HCN1: variants seen among roughly 807,000 people sequenced by gnomAD.
HCN1 encodes hyperpolarization activated cyclic nucleotide gated potassium channel 1.
In HCN1, 13 loss-of-function variants were observed where a neutral mutation model predicts 78.9. That is an observed-to-expected ratio of 0.16 (90% CI 0.11 to 0.26). The LOEUF (loss-of-function observed/expected upper bound fraction) is 0.26. Among genes scored for constraint, HCN1 ranks in the 10% least tolerant of loss-of-function variants. HCN1 has a pLI of 1.00. For synonymous variants in HCN1, 552 were observed against 455.5 expected, an observed-to-expected ratio of 1.21 and a Z score of -2.70; for missense variants, 810 against 1,154.3, an observed-to-expected ratio of 0.70 and a Z score of 4.32.
intron 6 of HCN1, among the ~76,000 whole-genome samples, chr5:45,300,923 C>T (rs998505166): frequency 6.6e-6 from 1 of 151,940 alleles, no homozygotes; most frequent in Non-Finnish European, 1.5e-5. Context: ...ATCATTTTAA[C>T]AAGAAAGAAT....
chr5:45,649,731 C>A (rs1261898812), intron 1 of HCN1, among the ~76,000 whole-genome samples: 1 of 151,800 alleles, frequency 6.6e-6, no homozygotes, highest in African/African-American at 2.4e-5. Context: ...ATATTTTCTG[C>A]TATAAGATAG....
chr5:45,640,887 C>T (rs1362275372), intron 2 of HCN1, among the ~76,000 whole-genome samples: 1 of 147,744 alleles, frequency 6.8e-6, no homozygotes, highest in Non-Finnish European at 1.5e-5. Flanking sequence ...CTTTCCAAAT[C>T]GGAGATGTAG....
chr5:45,316,024 C>T (rs912204227), intron 5 of HCN1, among the ~76,000 whole-genome samples: 5 of 152,118 alleles, frequency 3.3e-5, no homozygotes, highest in African/African-American at 4.8e-5. Context: ...GAAACTATTC[C>T]AATCAATAGA....
chr5:45,495,655 G>C (rs916601855), intron 2 of HCN1, among the ~76,000 whole-genome samples: 1 of 152,128 alleles, frequency 6.6e-6, no homozygotes, highest in Non-Finnish European at 1.5e-5. Flanking sequence ...GGAGTGGTGA[G>C]AGAGGTCATC....
intron 6 of HCN1, among the ~76,000 whole-genome samples, chr5:45,289,608 A>C (rs1029703664): frequency 1.6e-4 from 25 of 152,098 alleles, no homozygotes; most frequent in African/African-American, 5.3e-4. Flanking sequence ...AAACAGGGCA[A>C]GAGCATCTTA....
At chr5:45,418,899 G>T (rs1418121717) in intron 3 of HCN1, among the ~76,000 whole-genome samples, 1 of 152,080 alleles carries the variant, frequency 6.6e-6, no homozygotes. Flanking sequence ...ATCAGATCCA[G>T]AAGTATCACC....
intron 5 of HCN1, among the ~76,000 whole-genome samples, chr5:45,337,938 AGGAGAATG>A (rs2111961036): frequency 6.6e-6 from 1 of 152,294 alleles, no homozygotes; most frequent in East Asian, 1.9e-4. Context: ...AAGTGAAAAT[AGGAGAATG>A]CTTTCAATAA....
At chr5:45,286,932 A>G (rs1166197098) in intron 6 of HCN1, among the ~76,000 whole-genome samples, 2 of 150,318 alleles carry the variant, frequency 1.3e-5, no homozygotes, top group African/African-American at 5.0e-5. Context: ...AACTGTTCTG[A>G]CTGACAATTT....
chr5:45,476,565 T>A (rs1741519631), intron 2 of HCN1, among the ~76,000 whole-genome samples: 1 of 152,168 alleles, frequency 6.6e-6, no homozygotes, highest in Non-Finnish European at 1.5e-5. Context: ...GGCCTTTAAT[T>A]CCTCCTGAAA....
intron 5 of HCN1, among the ~76,000 whole-genome samples, chr5:45,347,319 A>G (rs573881192): frequency 6.6e-5 from 10 of 152,322 alleles, no homozygotes; most frequent in Non-Finnish European, 7.4e-5. Context: ...GTCTGTTAGA[A>G]GGAAAACTAA....
chr5:45,337,010 C>G (rs1421426281), intron 5 of HCN1, among the ~76,000 whole-genome samples: 1 of 151,838 alleles, frequency 6.6e-6, no homozygotes, highest in Non-Finnish European at 1.5e-5. Context: ...AAATACTCAC[C>G]TTAGTAGCAA....
intron 3 of HCN1, among the ~76,000 whole-genome samples, chr5:45,409,356 A>G (rs1739984605): frequency 1.3e-5 from 2 of 152,106 alleles, no homozygotes; most frequent in South Asian, 4.1e-4. Flanking sequence ...AAAATTTATT[A>G]AAATCTAATG....
chr5:45,349,035 T>C (rs1284575898), intron 5 of HCN1, among the ~76,000 whole-genome samples: 1 of 152,322 alleles, frequency 6.6e-6, no homozygotes, highest in African/African-American at 2.4e-5. Flanking sequence ...AATAGACATC[T>C]ACAGAACTCT....
At chr5:45,663,694 AAC>A (rs1174290123) in intron 1 of HCN1, among the ~76,000 whole-genome samples, 7 of 134,024 alleles carry the variant, frequency 5.2e-5, no homozygotes, top group African/African-American at 1.9e-4. Flanking sequence ...GCAGCCAAAA[AAC>A]ACATGAAAAA....
intron 5 of HCN1, among the ~76,000 whole-genome samples, chr5:45,339,752 A>T (rs1448675005): frequency 1.3e-5 from 2 of 152,190 alleles, no homozygotes; most frequent in Non-Finnish European, 2.9e-5. Context: ...TAAATATATA[A>T]AGAAAAAATA....
At chr5:45,492,552 GCT>G (rs1451343891) in intron 2 of HCN1, among the ~76,000 whole-genome samples, 6 of 112,628 alleles carry the variant, frequency 5.3e-5, no homozygotes, top group African/African-American at 1.4e-4. Flanking sequence ...CAAGAGCCTT[GCT>G]CTGTCGCCCA....
At chr5:45,569,712 G>A (rs1028798347) in intron 2 of HCN1, among the ~76,000 whole-genome samples, 3 of 151,722 alleles carry the variant, frequency 2.0e-5, no homozygotes, top group African/African-American at 7.3e-5. Flanking sequence ...TAACATTCAG[G>A]ATATAACTTT....
At chr5:45,277,541 C>T (rs942894034) in intron 6 of HCN1, among the ~76,000 whole-genome samples, 1 of 151,958 alleles carries the variant, frequency 6.6e-6, no homozygotes, top group Non-Finnish European at 1.5e-5. Context: ...GTTTTGGGAA[C>T]AAATAAAGCA....
chr5:45,612,992 G>A (rs1325999004), intron 2 of HCN1, among the ~76,000 whole-genome samples: 2 of 152,054 alleles, frequency 1.3e-5, no homozygotes, highest in African/African-American at 4.8e-5. Flanking sequence ...TACAAACGTT[G>A]GAGGAAGGAA....
Sources: allele counts gnomAD v4.1 joint callset (sites outside exome capture counted in the v4.1 genomes callset), GRCh38; gene constraint gnomAD v4.1.1; transcripts MANE v1.5; gene names NCBI Gene and HGNC (gene_info 2026-07-23, HGNC 2026-07-21).